The following CELF4 variants were observed in gnomAD, a reference collection of about 807,000 sequenced individuals.
CELF4 encodes the protein CUG-BP- and ETR-3-like factor 4.
Under a neutral mutation model 59.9 loss-of-function variants are expected in CELF4, and 18 were observed. The ratio of observed to expected loss-of-function variants is 0.30; its 90% CI spans 0.21 to 0.45. CELF4 has a LOEUF of 0.45. Among genes scored for constraint, CELF4 ranks in the 20% least tolerant of loss-of-function variants. The probability of loss-of-function intolerance (pLI) is 1.00; values close to 1 mark genes in which losing one functional copy is unlikely to be tolerated. For synonymous variants in CELF4, 261 were observed against 267.1 expected (o/e 0.98, Z 0.22); for missense variants, 456 against 689.0 (o/e 0.66, Z 3.79).
rs547422597 is a variant in CELF4, at chr18:37,539,057, T to C, written c.286+26299A>G. Among the ~76,000 whole-genome samples the C allele has an allele frequency of 2.6e-5, 4 of 152,104 alleles. No individual in the cohort carries two copies. In the South Asian group the frequency reaches 8.3e-4, roughly 32 times the overall value. On this transcript the variant is annotated intron_variant, in intron 1 of 12. Coordinates refer to ENST00000420428, the MANE Select transcript of CELF4 (RefSeq NM_020180.4). Reference sequence around the variant, plus strand: ...GGCTTGAGAATGAAGCAATCCTCGGTCTCATCAGGGTTCTCAACGCCCTCC... The same window carrying C: ...GGCTTGAGAATGAAGCAATCCTCGGCCTCATCAGGGTTCTCAACGCCCTCC...
At chr18:37,417,148 G>T (rs2099535649) in intron 2 of CELF4, among the ~76,000 whole-genome samples, 1 of 152,200 alleles carries the variant, frequency 6.6e-6, no homozygotes. Context: ...TGACAGGCCT[G>T]CACAATTGCA....
intron 1 of CELF4, chr18:37,485,922 C>T: frequency 4.4e-6 from 1 of 229,254 alleles, no homozygotes; most frequent in Non-Finnish European, 8.5e-6. Context: ...TCAGACCTCT[C>T]TGCCCTGTTT....
At chr18:37,265,111 G>GT (rs1491423543) in intron 9 of CELF4, among the ~76,000 whole-genome samples, 8 of 151,218 alleles carry the variant, frequency 5.3e-5, no homozygotes, top group African/African-American at 2.0e-4. Flanking sequence ...GCAAGTGTGT[G>GT]GGTGTGTGTG....
At chr18:37,497,203 G>T (rs1322601622) in intron 1 of CELF4, among the ~76,000 whole-genome samples, 5 of 152,152 alleles carry the variant, frequency 3.3e-5, no homozygotes, top group Non-Finnish European at 7.3e-5. Flanking sequence ...CAACTTATCA[G>T]CTGACTGGTA....
intron 2 of CELF4, among the ~76,000 whole-genome samples, chr18:37,463,620 G>A (rs2099799775): frequency 6.6e-6 from 1 of 152,162 alleles, no homozygotes; most frequent in Admixed American, 6.5e-5. Context: ...TGGACCCTAC[G>A]ATGCCAGCCC....
chr18:37,551,410 G>A (rs1251277307), intron 1 of CELF4, among the ~76,000 whole-genome samples: 1 of 152,204 alleles, frequency 6.6e-6, no homozygotes, highest in Admixed American at 6.5e-5. Flanking sequence ...TGCTCAGGAC[G>A]TTGCCCAGGT....
intron 2 of CELF4, among the ~76,000 whole-genome samples, chr18:37,395,775 C>G (rs1178295530): frequency 6.6e-6 from 1 of 152,184 alleles, no homozygotes; most frequent in Non-Finnish European, 1.5e-5. Context: ...ACACAATTAC[C>G]AGACCCAGTC....
intron 2 of CELF4, among the ~76,000 whole-genome samples, chr18:37,378,750 C>A (rs915618928): frequency 2.6e-5 from 4 of 152,140 alleles, no homozygotes; most frequent in Non-Finnish European, 4.4e-5. Context: ...CATGTGCAAC[C>A]AGAGTGGGGC....
chr18:37,381,453 A>G (rs2154569657), intron 2 of CELF4, among the ~76,000 whole-genome samples: 1 of 152,200 alleles, frequency 6.6e-6, no homozygotes, highest in Admixed American at 6.5e-5. Context: ...ATCACATTAT[A>G]TGGGGGCTCT....
At chr18:37,325,526 C>T (rs999639643) in intron 2 of CELF4, among the ~76,000 whole-genome samples, 1 of 152,230 alleles carries the variant, frequency 6.6e-6, no homozygotes, top group Non-Finnish European at 1.5e-5. Context: ...CATCTGGGCA[C>T]CTGTGATGCT....
At chr18:37,436,042 A>G (rs1351122808) in intron 2 of CELF4, among the ~76,000 whole-genome samples, 1 of 152,162 alleles carries the variant, frequency 6.6e-6, no homozygotes, top group Non-Finnish European at 1.5e-5. Flanking sequence ...TGGAGGCAGC[A>G]GGAATGACTT....
chr18:37,547,160 G>GTGTGTGT (rs61235122), intron 1 of CELF4, among the ~76,000 whole-genome samples: 34 of 144,250 alleles, frequency 2.4e-4, no homozygotes, highest in South Asian at 4.6e-4. Context: ...GTGTGTGTGT[G>GTGTGTGT]GTGTGTGTGT....
At chr18:37,333,798 A>G (rs2097659329) in intron 2 of CELF4, among the ~76,000 whole-genome samples, 1 of 151,536 alleles carries the variant, frequency 6.6e-6, no homozygotes. Context: ...CCATCCATCC[A>G]TCCATCCATC....
intron 2 of CELF4, among the ~76,000 whole-genome samples, chr18:37,339,670 C>T (rs1047904809): frequency 6.6e-6 from 1 of 151,236 alleles, no homozygotes; most frequent in African/African-American, 2.4e-5. Flanking sequence ...AAGTGAATCG[C>T]TTGAACCTGG....
chr18:37,484,638 T>C (rs976918533), intron 2 of CELF4, among the ~76,000 whole-genome samples: 1 of 152,194 alleles, frequency 6.6e-6, no homozygotes, highest in African/African-American at 2.4e-5. Flanking sequence ...CGGGGTTGCA[T>C]TTTCTCTCCG....
intron 1 of CELF4, among the ~76,000 whole-genome samples, chr18:37,532,106 A>G (rs1240523905): frequency 6.6e-6 from 1 of 152,134 alleles, no homozygotes; most frequent in Non-Finnish European, 1.5e-5. Context: ...CTGGTCCTGC[A>G]CTGTTTCCCT....
chr18:37,350,625 T>A (rs910867362), intron 2 of CELF4, among the ~76,000 whole-genome samples: 5 of 152,202 alleles, frequency 3.3e-5, no homozygotes, highest in African/African-American at 1.2e-4. Context: ...TCTGTTTTAC[T>A]GAGCTAGGCA....
intron 3 of CELF4, among the ~76,000 whole-genome samples, chr18:37,303,798 C>T (rs79530439): frequency 0.016 from 2,422 of 152,256 alleles, 32 homozygotes; most frequent in Middle Eastern, 0.041. Flanking sequence ...GGCCTCCTGT[C>T]TGACGGGACA....
rs776586564 is a variant in CELF4 at position 37,315,488 on chromosome 18, C to T, written c.448+6315G>A. Among the ~76,000 whole-genome samples, 60 of 152,126 alleles carry T rather than the reference C, an allele frequency of 3.9e-4. 1 individual carries two copies. Among genetic ancestry groups the T allele is most frequent in the Non-Finnish European group, 5.7e-4 (39 of 68,010 alleles). On this transcript the variant is annotated intron_variant, in intron 3 of 12. Coordinates refer to ENST00000420428, the MANE Select transcript of CELF4 (RefSeq NM_020180.4). ...TAAAACCTGGTGGTCCCAGTCTGTGCCCCACCCCAGCCAGCATCATCAAAG... is the reference window on the plus strand; with the variant it reads ...TAAAACCTGGTGGTCCCAGTCTGTGTCCCACCCCAGCCAGCATCATCAAAG...
Sources: allele counts gnomAD v4.1 joint callset (sites outside exome capture counted in the v4.1 genomes callset), GRCh38; gene constraint gnomAD v4.1.1; transcripts MANE v1.5; gene names NCBI Gene and HGNC (gene_info 2026-07-23, HGNC 2026-07-21).